Variants in ST3GAL3 observed in about 807,000 individuals in gnomAD.
ST3GAL3 encodes CMP-N-acetylneuraminate-beta-1,4-galactoside alpha-2,3-sialyltransferase.
ST3GAL3 carries 21 observed loss-of-function variants against 50.1 expected under a neutral mutation model. The ratio of observed to expected loss-of-function variants is 0.42; its 90% CI spans 0.30 to 0.60. The LOEUF is 0.60. Ranked by LOEUF, ST3GAL3 falls within the 20% of genes least tolerant of loss-of-function variation. The pLI, the probability that ST3GAL3 is intolerant of heterozygous loss-of-function variation, is 0.19. For missense variants in ST3GAL3, 353 were observed against 489.4 expected, an observed-to-expected ratio of 0.72 and a Z score of 2.63; for synonymous variants, 183 against 190.0, an observed-to-expected ratio of 0.96 and a Z score of 0.30.
At chr1:43,820,859 C>T (rs1274748898) in intron 4 of ST3GAL3, among the ~76,000 whole-genome samples, 1 of 152,190 alleles carries the variant, frequency 6.6e-6, no homozygotes, top group Non-Finnish European at 1.5e-5. Flanking sequence ...ATCTTACTAG[C>T]TCTAATCTGG....
chr1:43,742,741 A>G (rs1681523173), intron 2 of ST3GAL3, among the ~76,000 whole-genome samples: 1 of 152,356 alleles, frequency 6.6e-6, no homozygotes, highest in Admixed American at 6.5e-5. Flanking sequence ...AATGGAATCT[A>G]TAAAAAAGAA....
At chr1:43,819,490 A>G (rs2061816675) in intron 4 of ST3GAL3, among the ~76,000 whole-genome samples, 2 of 4,090 alleles carry the variant, frequency 4.9e-4, no homozygotes, top group South Asian at 7.2e-3. Flanking sequence ...AGGCCATATA[A>G]AAAAAACAGG....
intron 3 of ST3GAL3, among the ~76,000 whole-genome samples, chr1:43,798,732 T>C (rs977529707): frequency 2.6e-5 from 4 of 152,336 alleles, no homozygotes; most frequent in Non-Finnish European, 4.4e-5. Context: ...TCAAACTATT[T>C]GCTTATTTAC....
intron 5 of ST3GAL3, among the ~76,000 whole-genome samples, chr1:43,884,563 A>G (rs187616722): frequency 1.4e-4 from 22 of 152,294 alleles, no homozygotes; most frequent in Admixed American, 1.2e-3. Context: ...CGTTATGTCT[A>G]TCCCACCACT....
At chr1:43,821,353 G>C (rs1461428319) in intron 4 of ST3GAL3, among the ~76,000 whole-genome samples, 1 of 152,152 alleles carries the variant, frequency 6.6e-6, no homozygotes, top group Admixed American at 6.5e-5. Context: ...ATGAAGTATA[G>C]ATGAAAGAGC....
chr1:43,920,837 A>G lies in ST3GAL3; in HGVS notation c.947A>G (p.Glu316Gly). 1 of 1,614,066 alleles carries G rather than the reference A, an allele frequency of 6.2e-7. No homozygotes were observed. Among genetic ancestry groups the G allele is most frequent in the Non-Finnish European group, 8.5e-7 (1 of 1,180,004 alleles). ...ACCATGGCACTACACGGCTGTGACG[A>G]GGTGGCAGTCGCAGGATTTGGCTAT... Reference protein sequence around the residue: ...AVTMALHGCDEVAVAGFGYDM... With the variant: ...AVTMALHGCDGVAVAGFGYDM... Residue 316 changes from glutamate to glycine, a missense_variant, in exon 11 of 12, where the codon GAG (glutamate) becomes GGG (glycine). Physicochemically the swap from Glu to Gly is moderately conservative, Grantham distance 98. Coordinates refer to ENST00000347631, the MANE Select transcript of ST3GAL3 (RefSeq NM_006279.5).
intron 5 of ST3GAL3, among the ~76,000 whole-genome samples, chr1:43,860,416 A>G (rs967601526): frequency 6.6e-6 from 1 of 152,220 alleles, no homozygotes; most frequent in African/African-American, 2.4e-5. Flanking sequence ...GAAAGTTGCT[A>G]ACTCTCATAG....
chr1:43,920,251 A>G (rs1156877314), intron 9 of ST3GAL3, 153 bp from the exon 10 acceptor site: 1 of 855,424 alleles, frequency 1.2e-6, no homozygotes. Flanking sequence ...CATTTCCCCA[A>G]ACACAGATGG....
At chr1:43,759,891 G>A (rs1156352280) in intron 2 of ST3GAL3, among the ~76,000 whole-genome samples, 6 of 152,146 alleles carry the variant, frequency 3.9e-5, no homozygotes, top group Non-Finnish European at 8.8e-5. Context: ...GTCTACTCAG[G>A]AGGTTGAGAC....
At chr1:43,833,207 C>T (rs2063780686) in intron 4 of ST3GAL3, among the ~76,000 whole-genome samples, 1 of 152,174 alleles carries the variant, frequency 6.6e-6, no homozygotes, top group Non-Finnish European at 1.5e-5. Flanking sequence ...CCCTGGCCAT[C>T]ACCCCACTTC....
rs373494209 is a variant in ST3GAL3, at chr1:43,930,191, C to T, written c.1098C>T (p.Arg366=). ...KEFLRKLVKA[R]VITDLSSGI ...TTCTGCGGAAGCTGGTGAAAGCTCG[C>T]GTCATCACTGATCTAAGCAGTGGCA... is the stretch of plus-strand genomic sequence containing the variant. The change falls in exon 12 of 12, where the codon CGC becomes CGT. Residue 366 remains arginine, a synonymous_variant. Coordinates refer to ENST00000347631, the MANE Select transcript of ST3GAL3 (RefSeq NM_006279.5). 1.1e-5 allele frequency: 18 copies of T among 1,613,868 alleles called. No individual in the cohort carries two copies. The highest frequency in any genetic ancestry group is 3.4e-4 in the Middle Eastern group (2 of 5,932).
intron 2 of ST3GAL3, chr1:43,743,540 A>T: frequency 2.4e-6 from 1 of 420,772 alleles, no homozygotes; most frequent in Non-Finnish European, 4.8e-6. Context: ...ATTAAGAGGG[A>T]TACACCATTT....
chr1:43,855,563 T>A, intron 5 of ST3GAL3, among the ~76,000 whole-genome samples: 1 of 148,892 alleles, frequency 6.7e-6, no homozygotes, highest in African/African-American at 2.5e-5. Flanking sequence ...TGAGCCGAGA[T>A]CACACCATTG....
intron 11 of ST3GAL3, among the ~76,000 whole-genome samples, chr1:43,929,143 A>G (rs1048601128): frequency 2.6e-5 from 4 of 152,186 alleles, no homozygotes. Flanking sequence ...TTTGAAATAT[A>G]TGACATTATT....
intron 2 of ST3GAL3, among the ~76,000 whole-genome samples, chr1:43,749,607 C>CT (rs1167725442): frequency 1.3e-5 from 2 of 152,142 alleles, no homozygotes; most frequent in Non-Finnish European, 2.9e-5. Flanking sequence ...CAAAAAGAAA[C>CT]TGACAAAGGA....
intron 4 of ST3GAL3, among the ~76,000 whole-genome samples, chr1:43,817,740 C>CCTG (rs1558439901): frequency 1.2e-5 from 1 of 82,072 alleles, no homozygotes; most frequent in African/African-American, 4.5e-5. Context: ...TCCCCCTCCT[C>CCTG]CTCCTTCTTC....
rs562152616 is a variant in ST3GAL3, at chr1:43,784,785, G to A, written c.119-7317G>A. 2.6e-5 allele frequency among the ~76,000 whole-genome samples: 4 copies of A among 152,236 alleles called. No individual in the cohort carries two copies. The South Asian group carries it at 6.2e-4, about 24-fold the overall frequency. On this transcript the variant is annotated intron_variant, in intron 2 of 11. Coordinates refer to ENST00000347631, the MANE Select transcript of ST3GAL3 (RefSeq NM_006279.5). ...ACAGTTGAGTCTTTGCCATCAAATT[G>A]TTGTACAGAAATTGTTTCCACTGAA...
intron 9 of ST3GAL3, among the ~76,000 whole-genome samples, chr1:43,900,337 T>C (rs2078082152): frequency 6.6e-6 from 1 of 152,194 alleles, no homozygotes; most frequent in African/African-American, 2.4e-5. Flanking sequence ...AGTCTGATCA[T>C]TGGGAATGAT....
At chr1:43,917,595 TATATATA>T (rs1289783140) in intron 9 of ST3GAL3, among the ~76,000 whole-genome samples, 2 of 25,016 alleles carry the variant, frequency 8.0e-5, no homozygotes, top group African/African-American at 1.9e-4. Flanking sequence ...TTATATATAA[TATATATA>T]TTATATATTA....
Sources: gnomAD v4.1 joint callset for allele counts (sites outside exome capture counted in the v4.1 genomes callset) on GRCh38, gnomAD v4.1.1 for gene constraint, MANE v1.5 for transcripts, NCBI Gene and HGNC (gene_info 2026-07-23, HGNC 2026-07-21) for gene names.